The following ZKSCAN2 variants were observed in gnomAD, a reference collection of about 807,000 sequenced individuals.
The protein encoded by ZKSCAN2 is zinc finger with KRAB and SCAN domains 2.
ZKSCAN2 carries 38 observed loss-of-function variants against 90.5 expected under a neutral mutation model. The observed-to-expected ratio is 0.42, with a 90% CI of 0.32 to 0.55. ZKSCAN2 has a LOEUF of 0.55. Ranked by LOEUF, ZKSCAN2 falls within the 20% of genes least tolerant of loss-of-function variation. ZKSCAN2 has a pLI of 0.11. For missense variants in ZKSCAN2, 1,167 were observed against 1,202.6 expected (o/e 0.97, Z 0.44); for synonymous variants, 429 against 421.6 (o/e 1.02, Z -0.22).
Position 25,255,189 on chromosome 16 carries a change from C to T in ZKSCAN2, c.586+17G>A, listed in dbSNP as rs777130753. ...CCCAGCCTCTGCACTAGGCGTGCTC[C>T]GAGTCTTCCCTCTTACCATTCTTGG... On this transcript the variant is annotated intron_variant, in intron 2 of 6. Transcript: ENST00000328086. 85 of 1,589,894 alleles carry T rather than the reference C, an allele frequency of 5.3e-5. No individual in the cohort carries two copies. Among genetic ancestry groups the T allele is most frequent in the Non-Finnish European group, 6.3e-5 (74 of 1,170,892 alleles).
In ZKSCAN2 at chr16:25,244,150, C is replaced by T. The variant is rs754954301; in HGVS notation, c.1616G>A (p.Arg539Gln). ...KLYGAVAEQL[R>Q]ECGFLRTPEQ... Reference sequence around the variant, plus strand: ...TGGTGTCCGGAGGAAGCCGCACTCTCGAAGCTGTTCAGCTACAGCCCCATA... The same window carrying T: ...TGGTGTCCGGAGGAAGCCGCACTCTTGAAGCTGTTCAGCTACAGCCCCATA... The change falls in exon 6 of 7, where the codon CGA becomes CAA. Residue 539 changes from arginine (R) to glutamine (Q), a missense_variant. Coordinates refer to ENST00000328086, the MANE Select transcript of ZKSCAN2 (RefSeq NM_001012981.5). 18 of 1,613,980 alleles carry T rather than the reference C, an allele frequency of 1.1e-5. No individual in the cohort carries two copies. The Admixed American group carries it at 1.8e-4, about 16-fold the overall frequency.
In ZKSCAN2 at chr16:25,243,944, C is replaced by A. The variant is rs767291214; in HGVS notation, c.1822G>T (p.Gly608Cys). Reference protein sequence around the residue: ...VPSPSRQERGGIEVEPQEPTG... With the variant: ...VPSPSRQERGCIEVEPQEPTG... ...GGTTCCTGGGGTTCAACCTCAATACCCCCTCTTTCTTGCCTTGAAGGTGAT... is the reference window on the plus strand; with the variant it reads ...GGTTCCTGGGGTTCAACCTCAATACACCCTCTTTCTTGCCTTGAAGGTGAT... The change falls in exon 6 of 7, where the codon GGT becomes TGT. Residue 608 changes from glycine to cysteine, a missense_variant. Physicochemically the swap from Gly to Cys is radical, Grantham distance 159. Coordinates refer to ENST00000328086, the MANE Select transcript of ZKSCAN2 (RefSeq NM_001012981.5). 1.2e-6 allele frequency: 2 copies of A among 1,614,106 alleles called. No individual in the cohort carries two copies. Among genetic ancestry groups the A allele is most frequent in the South Asian group, 1.1e-5 (1 of 91,062 alleles).
At position 25,247,376 on chromosome 16, in the gene ZKSCAN2, T is replaced by C. The variant is rs1163584084; in HGVS notation, c.820A>G (p.Thr274Ala). 9 of 1,607,442 alleles carry C rather than the reference T, an allele frequency of 5.6e-6. No individual in the cohort carries two copies. Among genetic ancestry groups the C allele is most frequent in the African/African-American group, 1.3e-5 (1 of 74,834 alleles). ...NVVSLGSAVS[T>A]SNKITRLEQR... Reference sequence around the variant, plus strand: ...TCCAACCGGGTTATCTTGTTAGATGTAGACACTGCACTTCCTACAGTAAAA... The same window carrying C: ...TCCAACCGGGTTATCTTGTTAGATGCAGACACTGCACTTCCTACAGTAAAA... The change falls in exon 5 of 7, where the codon ACA becomes GCA. Residue 274 changes from threonine (T) to alanine (A), a missense_variant. By Grantham distance (58) the Thr-to-Ala change is moderately conservative. Coordinates refer to ENST00000328086, the MANE Select transcript of ZKSCAN2 (RefSeq NM_001012981.5).
At chr16:25,253,568 G>A (rs1963053249) in intron 2 of ZKSCAN2, among the ~76,000 whole-genome samples, 1 of 152,218 alleles carries the variant, frequency 6.6e-6, no homozygotes, top group South Asian at 2.1e-4. Context: ...TCAGTGAAGG[G>A]CTGGGTAAAT....
chr16:25,257,009 C>A lies in ZKSCAN2; in HGVS notation c.119G>T (p.Ser40Ile), dbSNP rs1328518250. 11 of 1,614,090 alleles carry A rather than the reference C, an allele frequency of 6.8e-6. No individual in the cohort carries two copies. The highest frequency in any genetic ancestry group is 8.5e-6 in the Non-Finnish European group (10 of 1,180,038). ...GAAGCATTTGCGGAAGGTCTCAGAG[C>A]TATCCGATCCTTCCAGAATGGGCTC... is the stretch of plus-strand genomic sequence containing the variant. ...ASEPILEGSD[S>I]SETFRKCFRQ... The change falls in exon 1 of 7, where the codon AGC becomes ATC. Residue 40 changes from serine (S) to isoleucine (I), a missense_variant. By Grantham distance (142) the Ser-to-Ile change is moderately radical (BLOSUM62 -2). Transcript: ENST00000328086.
chr16:25,242,345 G>A (rs1282295961), intron 6 of ZKSCAN2, among the ~76,000 whole-genome samples: 1 of 152,172 alleles, frequency 6.6e-6, no homozygotes, highest in East Asian at 1.9e-4. Context: ...GGGTTCTACA[G>A]GACTTAATTC....
Position 25,255,215 on chromosome 16 carries a change from G to T in ZKSCAN2, c.577C>A (p.Pro193Thr). The change falls in exon 2 of 7, where the codon CCC (proline) becomes ACC (threonine). Residue 193 changes from proline (P) to threonine (T), a missense_variant. Pro to Thr is a conservative substitution (Grantham distance 38). Coordinates refer to ENST00000328086, the MANE Select transcript of ZKSCAN2 (RefSeq NM_001012981.5). ...LNRKRERRPL[P>T]KNARPSPWVP... Reference sequence around the variant, plus strand: ...GAGTCTTCCCTCTTACCATTCTTGGGTAAGGGCCGACGTTCTCGCTTTCGG... The same window carrying T: ...GAGTCTTCCCTCTTACCATTCTTGGTTAAGGGCCGACGTTCTCGCTTTCGG... The T allele has an allele frequency of 6.2e-7, 1 of 1,603,304 alleles. No homozygotes were observed. Among genetic ancestry groups the T allele is most frequent in the Non-Finnish European group, 8.5e-7 (1 of 1,176,868 alleles).
Position 25,257,152 on chromosome 16 carries a change from C to T in ZKSCAN2, c.-25G>A. On this transcript the variant is annotated 5_prime_UTR_variant, in exon 1 of 7. The change creates a new upstream start codon in the 5' untranslated region. Transcript: ENST00000328086. ...TGCTGCAGCCCAGGGGTCAACTTCA[C>T]GTCTAGCTCAAGGTGGGGACCCAAA... The T allele has an allele frequency of 6.4e-7, 1 of 1,558,986 alleles. No homozygotes were observed. The highest frequency in any genetic ancestry group is 8.7e-7 in the Non-Finnish European group (1 of 1,153,888).
Position 25,240,714 on chromosome 16 carries a change from T to C in ZKSCAN2, c.2006A>G (p.Lys669Arg), listed in dbSNP as rs1962840127. Residue 669 changes from lysine to arginine, a missense_variant, in exon 7 of 7, where the codon AAG (lysine) becomes AGG (arginine). Coordinates refer to ENST00000328086, the MANE Select transcript of ZKSCAN2 (RefSeq NM_001012981.5). ...PNDFEIGSSI[K>R]EDPTQIVYKD... Reference sequence around the variant, plus strand: ...ATATACTATCTGTGTTGGATCCTCCTTGATGCTACTTCCGATTTCAAAATC... The same window carrying C: ...ATATACTATCTGTGTTGGATCCTCCCTGATGCTACTTCCGATTTCAAAATC... 2 of 1,604,776 alleles carry C rather than the reference T, an allele frequency of 1.2e-6. No individual in the cohort carries two copies. The highest frequency in any genetic ancestry group is 1.7e-5 in the Admixed American group (1 of 59,288).
chr16:25,242,170 G>A (rs1163017279), intron 6 of ZKSCAN2, among the ~76,000 whole-genome samples: 1 of 152,170 alleles, frequency 6.6e-6, no homozygotes, highest in Non-Finnish European at 1.5e-5. Context: ...TGGCCTGTCA[G>A]TACTTCTTTT....
At position 25,239,588 on chromosome 16, in the gene ZKSCAN2, G is replaced by C; in HGVS notation, c.*228C>G. On this transcript the variant is annotated 3_prime_UTR_variant, in exon 7 of 7. Coordinates refer to ENST00000328086, the MANE Select transcript of ZKSCAN2 (RefSeq NM_001012981.5). ...TGAAGGGTATTTCATTCTGAACTCG[G>C]ACAATGTATCTTCGCCACATTCTTA... is the stretch of plus-strand genomic sequence containing the variant. 2.2e-6 allele frequency: 1 copy of C among 460,734 alleles called. No individual in the cohort carries two copies. Among genetic ancestry groups the C allele is most frequent in the Non-Finnish European group, 3.8e-6 (1 of 261,172 alleles). 28.5% of individuals were successfully genotyped at this position (460,734 alleles called of 1,614,324 possible). A position where few individuals can be genotyped will look rare whatever the true frequency, so the allele number is the denominator to read the frequency against.
rs373022646 is a variant in ZKSCAN2, at chr16:25,255,827, C to T, written c.400-435G>A. On this transcript the variant is annotated intron_variant, in intron 1 of 6. Coordinates refer to ENST00000328086, the MANE Select transcript of ZKSCAN2 (RefSeq NM_001012981.5). ...CGAATTCCTGACCTCAGGTGATCAA[C>T]ATGCCTCGGCCTCCCAAAGTGCTGG... 5.3e-5 allele frequency among the ~76,000 whole-genome samples: 8 copies of T among 152,290 alleles called. 1 individual carries two copies.
At chr16:25,247,863 C>A (rs1159837017) in intron 4 of ZKSCAN2, among the ~76,000 whole-genome samples, 4 of 152,060 alleles carry the variant, frequency 2.6e-5, no homozygotes, top group Non-Finnish European at 5.9e-5. Flanking sequence ...TACAAAGCCA[C>A]AGTAATCAAA....
Position 25,246,970 on chromosome 16 carries a change from T to G in ZKSCAN2, c.1226A>C (p.Asn409Thr), listed in dbSNP as rs771605936. ...GGCGCAGGGTTCTAGCATGTGGCCA[T>G]TTCTCACCTTTCGATAGCTTTTCTG... ...SLQKSYRKVR[N>T]GHMLEPCAFF... The change falls in exon 5 of 7, where the codon AAT becomes ACT. Residue 409 changes from asparagine to threonine, a missense_variant. By Grantham distance (65) the Asn-to-Thr change is moderately conservative. Transcript: ENST00000328086. 3 of 1,614,190 alleles carry G rather than the reference T, an allele frequency of 1.9e-6. No individual in the cohort carries two copies. In the Admixed American group the frequency reaches 5.0e-5, roughly 27 times the overall value.
In ZKSCAN2 at chr16:25,253,050, A is replaced by G. The variant is rs1175856041; in HGVS notation, c.587-13T>C. ...GGAGAAGGCCGAGCTGTAAGAATAG[A>G]AAGAAACGATTAGTAATCTGGGCTT... On this transcript the variant is annotated splice_polypyrimidine_tract_variant and intron_variant, in intron 2 of 6. Transcript: ENST00000328086. 3.7e-6 allele frequency: 6 copies of G among 1,604,322 alleles called. No homozygotes were observed. Among genetic ancestry groups the G allele is most frequent in the Non-Finnish European group, 5.1e-6 (6 of 1,171,120 alleles).
In ZKSCAN2 at chr16:25,240,817, C is replaced by T. The variant is rs1055688098; in HGVS notation, c.1982-79G>A. On this transcript the variant is annotated intron_variant, in intron 6 of 6. Coordinates refer to ENST00000328086, the MANE Select transcript of ZKSCAN2 (RefSeq NM_001012981.5). ...ACAACCTGGCTTGCAAGGCTTGATC[C>T]GCTTGCTCTCCATACACTTCTCTAA... 16 of 1,164,082 alleles carry T rather than the reference C, an allele frequency of 1.4e-5. 1 individual carries two copies. The highest frequency in any genetic ancestry group is 7.1e-5 in the South Asian group (5 of 69,936). The allele number at this position is 1,164,082 out of a possible 1,614,324, so 72.1% of individuals were successfully genotyped here. A position where few individuals can be genotyped will look rare whatever the true frequency, so the allele number is the denominator to read the frequency against.
intron 6 of ZKSCAN2, among the ~76,000 whole-genome samples, chr16:25,241,558 CTCATT>C (rs1434004874): frequency 1.3e-5 from 2 of 152,238 alleles, no homozygotes; most frequent in Admixed American, 1.3e-4. Context: ...CATGGCCAAT[CTCATT>C]TCATTTCCAC....
intron 5 of ZKSCAN2, among the ~76,000 whole-genome samples, chr16:25,244,655 A>G (rs1962908032): frequency 6.6e-6 from 1 of 152,248 alleles, no homozygotes; most frequent in Non-Finnish European, 1.5e-5. Flanking sequence ...GTGATTAACT[A>G]AATGATTTAG....
chr16:25,252,042 T>C lies in ZKSCAN2; in HGVS notation c.679-7A>G, dbSNP rs1306367159. ...GGACATCTTTCACTGGTTCCTGTAATGACACTAACACCAATGACTACCAAG... is the reference window on the plus strand; with the variant it reads ...GGACATCTTTCACTGGTTCCTGTAACGACACTAACACCAATGACTACCAAG... On this transcript the variant is annotated splice_polypyrimidine_tract_variant and splice_region_variant and intron_variant, in intron 3 of 6. Coordinates refer to ENST00000328086, the MANE Select transcript of ZKSCAN2 (RefSeq NM_001012981.5). 11 of 1,613,880 alleles carry C rather than the reference T, an allele frequency of 6.8e-6. No individual in the cohort carries two copies. Among genetic ancestry groups the C allele is most frequent in the African/African-American group, 1.3e-5 (1 of 74,922 alleles).
Sources: allele counts gnomAD v4.1 joint callset (sites outside exome capture counted in the v4.1 genomes callset), GRCh38; gene constraint gnomAD v4.1.1; transcripts MANE v1.5; gene names NCBI Gene and HGNC (gene_info 2026-07-23, HGNC 2026-07-21).